Variants in CARF observed in about 807,000 individuals in gnomAD.
The protein encoded by CARF is calcium responsive transcription factor.
CARF carries 57 observed loss-of-function variants against 82.0 expected under a neutral mutation model. The ratio of observed to expected loss-of-function variants is 0.70; its 90% CI spans 0.56 to 0.87. CARF has a LOEUF of 0.87. Ranked by LOEUF, CARF falls within the 40% of genes least tolerant of loss-of-function variation. The pLI is 0.00. For synonymous variants in CARF, 268 were observed against 290.1 expected (o/e 0.92, Z 0.77); for missense variants, 771 against 855.8 (o/e 0.90, Z 1.24).
intron 14 of CARF, among the ~76,000 whole-genome samples, chr2:202,980,617 TATATATATATATATATATA>T (rs751510852): frequency 0.35 from 10,646 of 30,614 alleles, 849 homozygotes; most frequent in Non-Finnish European, 0.39. Flanking sequence ...GTCTTTCAAG[TATATATATATATATATATA>T]TATATATATA....
chr2:202,941,968 T>C lies in CARF; in HGVS notation c.66T>C (p.Ala22=), dbSNP rs1460112435. The change falls in exon 4 of 17, where the codon GCT becomes GCC. Residue 22 remains alanine, a synonymous_variant. Coordinates refer to ENST00000438828, the MANE Select transcript of CARF (RefSeq NM_024744.17). ...HNDGEESKTS[A]QVFEHLICMD... is the part of the protein sequence containing the mutation. ...ACGGTGAAGAGTCAAAAACCAGTGCTCAAGTATTTGAGGTATGGATTCAGC... is the reference window on the plus strand; with the variant it reads ...ACGGTGAAGAGTCAAAAACCAGTGCCCAAGTATTTGAGGTATGGATTCAGC... 1.9e-6 allele frequency: 3 copies of C among 1,613,342 alleles called. No homozygotes were observed. The highest frequency in any genetic ancestry group is 4.5e-5 in the East Asian group (2 of 44,820).
chr2:202,942,381 A>T (rs1391172112), intron 4 of CARF: 1 of 164,962 alleles, frequency 6.1e-6, no homozygotes, highest in Non-Finnish European at 1.2e-5. Flanking sequence ...CTCAAAAAAA[A>T]AAAAAGAATT....
intron 2 of CARF, among the ~76,000 whole-genome samples, chr2:202,920,638 T>A (rs1045220890): frequency 1.3e-5 from 2 of 150,890 alleles, no homozygotes; most frequent in Admixed American, 6.6e-5. Flanking sequence ...CACTCCAACC[T>A]GGGCAACAAG....
chr2:202,963,667 C>G (rs998152738), intron 9 of CARF, among the ~76,000 whole-genome samples: 2 of 152,088 alleles, frequency 1.3e-5, no homozygotes, highest in African/African-American at 2.4e-5. Flanking sequence ...TCAGTGGGAG[C>G]CCTGAGCTTG....
At chr2:202,950,064 C>T (rs2058687340) in intron 5 of CARF, among the ~76,000 whole-genome samples, 1 of 152,182 alleles carries the variant, frequency 6.6e-6, no homozygotes. Context: ...GCACATGACT[C>T]TTCAAAACCA....
chr2:202,956,901 G>GC (rs1388200694), intron 8 of CARF, among the ~76,000 whole-genome samples: 1 of 152,110 alleles, frequency 6.6e-6, no homozygotes, highest in Non-Finnish European at 1.5e-5. Flanking sequence ...CGATTCTGCT[G>GC]CCTCAGCCTC....
rs766624158 is a variant in CARF at position 202,954,102 on chromosome 2, A to G, written c.525A>G (p.Thr175=). 2.9e-5 allele frequency: 47 copies of G among 1,613,172 alleles called. No individual in the cohort carries two copies. Among genetic ancestry groups the G allele is most frequent in the African/African-American group, 6.7e-5 (5 of 74,866 alleles). The change falls in exon 7 of 17, where the codon ACA becomes ACG. Residue 175 remains threonine, a synonymous_variant. Transcript: ENST00000438828. ...GCAATTACATTCTTCATCCTCAAACATCCTTCCCATTGCCCAAAAAGTCAG... is the reference window on the plus strand; with the variant it reads ...GCAATTACATTCTTCATCCTCAAACGTCCTTCCCATTGCCCAAAAAGTCAG... ...NTSNYILHPQ[T]SFPLPKKSVT...
intron 1 of CARF, among the ~76,000 whole-genome samples, chr2:202,915,261 C>T (rs1689416395): frequency 6.6e-6 from 1 of 151,320 alleles, no homozygotes; most frequent in Admixed American, 6.6e-5. Flanking sequence ...GTGATCTTCC[C>T]ACCTCGGCCT....
At chr2:202,967,609 C>A (rs1173410346) in intron 10 of CARF, among the ~76,000 whole-genome samples, 1 of 151,922 alleles carries the variant, frequency 6.6e-6, no homozygotes, top group Non-Finnish European at 1.5e-5. Flanking sequence ...TATAATATTC[C>A]ATTTATGGAT....
chr2:202,958,175 C>T (rs1474754657), intron 8 of CARF, among the ~76,000 whole-genome samples: 2 of 150,492 alleles, frequency 1.3e-5, no homozygotes, highest in Non-Finnish European at 3.0e-5. Flanking sequence ...AAACCTTGTG[C>T]TATATATATT....
chr2:202,925,649 G>C (rs573533979), intron 3 of CARF: 28 of 226,392 alleles, frequency 1.2e-4, no homozygotes, highest in Non-Finnish European at 2.2e-4. Flanking sequence ...CTTGGAGGCT[G>C]CCATCCCAGA....
At chr2:202,944,266 C>T (rs1039295694) in intron 5 of CARF, among the ~76,000 whole-genome samples, 2 of 152,088 alleles carry the variant, frequency 1.3e-5, no homozygotes, top group Admixed American at 6.6e-5. Flanking sequence ...CTCTAAGTTG[C>T]TCTCTGGTTA....
chr2:202,942,944 T>C lies in CARF; in HGVS notation c.283T>C (p.Leu95=), dbSNP rs371999855. The change falls in exon 5 of 17, where the codon TTG becomes CTG. Residue 95 remains leucine, a synonymous_variant. Coordinates refer to ENST00000438828, the MANE Select transcript of CARF (RefSeq NM_024744.17). ...GQAIQYELQS[L]GESNAQMMIV... ...GGCTATTCAATATGAACTTCAGTCA[T>C]TGGGGGAATCCAATGCACAAATGGT... The C allele has an allele frequency of 3.7e-6, 6 of 1,613,936 alleles. No homozygotes were observed. The African/African-American group carries it at 4.0e-5, about 11-fold the overall frequency.
chr2:202,956,156 T>C (rs1472277809), intron 8 of CARF, among the ~76,000 whole-genome samples: 1 of 152,116 alleles, frequency 6.6e-6, no homozygotes, highest in Non-Finnish European at 1.5e-5. Context: ...CTATATTTTG[T>C]CTTTTGGAGC....
In CARF at chr2:202,985,815, G is replaced by A. The variant is rs2060412612; in HGVS notation, c.*2191G>A. On this transcript the variant is annotated 3_prime_UTR_variant, in exon 17 of 17. Transcript: ENST00000438828. ...ACCAATTGAACTACATTCTTTTGGAGACATTCCTTTCTTTTTTGATGTTGA... is the reference window on the plus strand; with the variant it reads ...ACCAATTGAACTACATTCTTTTGGAAACATTCCTTTCTTTTTTGATGTTGA... 6.6e-6 allele frequency: 1 copy of A among 152,150 alleles called. No individual in the cohort carries two copies. The highest frequency in any genetic ancestry group is 1.5e-5 in the Non-Finnish European group (1 of 68,000). The allele number at this position is 152,150 out of a possible 1,614,324, so 9.4% of individuals were successfully genotyped here. A position where few individuals can be genotyped will look rare whatever the true frequency, so the allele number is the denominator to read the frequency against.
At position 202,955,682 on chromosome 2, in the gene CARF, A is replaced by G. The variant is rs764802538; in HGVS notation, c.566A>G (p.Glu189Gly). 2.5e-6 allele frequency: 4 copies of G among 1,605,960 alleles called. No individual in the cohort carries two copies. The Admixed American group carries it at 5.1e-5, about 20-fold the overall frequency. The change falls in exon 8 of 17, where the codon GAA becomes GGA. Residue 189 changes from glutamate to glycine, a missense_variant. By Grantham distance (98) the Glu-to-Gly change is moderately conservative. Transcript: ENST00000438828. ...LPKKSVTGML[E>G]EPLLGPLQPL... Reference sequence around the variant, plus strand: ...TTCCTCTCCTATCCCAGAATGCTGGAAGAACCCCTTCTGGGGCCTCTTCAG... The same window carrying G: ...TTCCTCTCCTATCCCAGAATGCTGGGAGAACCCCTTCTGGGGCCTCTTCAG...
intron 5 of CARF, among the ~76,000 whole-genome samples, chr2:202,945,784 G>A (rs1453956782): frequency 2.6e-5 from 4 of 152,112 alleles, no homozygotes; most frequent in Non-Finnish European, 4.4e-5. Flanking sequence ...ATGTGCATGT[G>A]TCTTTATGGA....
intron 5 of CARF, among the ~76,000 whole-genome samples, chr2:202,946,097 T>C (rs2058484132): frequency 6.6e-6 from 1 of 152,174 alleles, no homozygotes. Context: ...GCTTGTTGAC[T>C]GCATGTATGT....
At chr2:202,948,865 C>T (rs1001362640) in intron 5 of CARF, among the ~76,000 whole-genome samples, 5 of 152,012 alleles carry the variant, frequency 3.3e-5, no homozygotes, top group African/African-American at 9.7e-5. Context: ...TTGCTTTGGC[C>T]GGGACTTCCA....
Sources: allele counts gnomAD v4.1 joint callset (sites outside exome capture counted in the v4.1 genomes callset), GRCh38; gene constraint gnomAD v4.1.1; transcripts MANE v1.5; gene names NCBI Gene and HGNC (gene_info 2026-07-23, HGNC 2026-07-21).